The following DHX29 variants were observed in gnomAD, a reference collection of about 807,000 sequenced individuals.
DHX29 encodes ATP-dependent RNA helicase DHX29.
In DHX29, 79 loss-of-function variants were observed where a neutral mutation model predicts 167.9. The observed-to-expected ratio is 0.47, with a 90% CI of 0.39 to 0.57. The LOEUF is 0.57. DHX29 is among the 20% of genes least tolerant of loss of function. DHX29 has a pLI of 0.00. For synonymous variants in DHX29, 530 were observed against 546.0 expected, an observed-to-expected ratio of 0.97 and a Z score of 0.41; for missense variants, 1,347 against 1,593.4, an observed-to-expected ratio of 0.85 and a Z score of 2.63.
At position 55,283,708 on chromosome 5, in the gene DHX29, G is replaced by A. The variant is rs780707435; in HGVS notation, c.1460C>T (p.Pro487Leu). The change falls in exon 11 of 27, where the codon CCA (proline) becomes CTA (leucine). Residue 487 changes from proline to leucine, a missense_variant. Pro to Leu is a moderately conservative substitution (Grantham distance 98, BLOSUM62 -3). Transcript: ENST00000251636. ...EELNKMETNKPRDLFIAKLLN... is the reference protein window; with the variant it reads ...EELNKMETNKLRDLFIAKLLN... ...AAGTTTGGCAATAAAAAGATCACGT[G>A]GTTTATTGGTTTCCATTTTATTTAA... The A allele has an allele frequency of 6.2e-7, 1 of 1,613,688 alleles. No homozygotes were observed. The highest frequency in any genetic ancestry group is 2.2e-5 in the East Asian group (1 of 44,856).
chr5:55,301,501 G>A (rs1203872487), intron 1 of DHX29, among the ~76,000 whole-genome samples: 1 of 151,852 alleles, frequency 6.6e-6, no homozygotes, highest in African/African-American at 2.4e-5. Context: ...ATCACCTGAG[G>A]TCAGGAGTTC....
Position 55,289,436 on chromosome 5 carries a change from GA to G in DHX29, c.908-9del, listed in dbSNP as rs762565327. The stretch of plus-strand genomic sequence containing the variant: ...CTTCTAAAGTTTCCATTTCTACCAA[GA>G]AAAAAATATAATGTTTAGTTTCATG... On this transcript the variant is annotated splice_polypyrimidine_tract_variant and intron_variant, in intron 7 of 26. Coordinates refer to ENST00000251636, the MANE Select transcript of DHX29 (RefSeq NM_019030.4). 2 of 1,515,026 alleles carry G rather than the reference GA, an allele frequency of 1.3e-6. No individual in the cohort carries two copies. The highest frequency in any genetic ancestry group is 1.5e-5 in the African/African-American group (1 of 68,784). The allele number at this position is 1,515,026 out of a possible 1,614,324, so 93.8% of individuals were successfully genotyped here. A position where few individuals can be genotyped will look rare whatever the true frequency, so the allele number is the denominator to read the frequency against.
chr5:55,285,900 C>G (rs751354846), intron 8 of DHX29, 39 bp from the exon 9 acceptor site: 5 of 1,461,032 alleles, frequency 3.4e-6, no homozygotes, highest in Non-Finnish European at 4.6e-6. Context: ...TAAAAATGGT[C>G]AAGCATTCTC....
At chr5:55,273,170 G>A (rs1045036896) in intron 17 of DHX29, 123 bp downstream of exon 17, 19 of 964,798 alleles carry the variant, frequency 2.0e-5, no homozygotes, top group Middle Eastern at 3.0e-4. Flanking sequence ...CAGAACACTT[G>A]GAGTTGGCAA....
chr5:55,285,643 A>C (rs1747681029), intron 9 of DHX29, 53 bp downstream of exon 9: 1 of 1,500,480 alleles, frequency 6.7e-7, no homozygotes, highest in African/African-American at 1.4e-5. Flanking sequence ...TCCACCTTAA[A>C]TTTTTCTAAA....
At chr5:55,262,434 C>G (rs1293629970) in intron 24 of DHX29, among the ~76,000 whole-genome samples, 196 bp downstream of exon 24, 1 of 152,122 alleles carries the variant, frequency 6.6e-6, no homozygotes, top group Non-Finnish European at 1.5e-5. Context: ...GAGTAGAAAC[C>G]TTACTATTTG....
intron 4 of DHX29, 67 bp from the exon 5 acceptor site, chr5:55,295,591 T>A (rs1748277734): frequency 4.6e-6 from 7 of 1,524,042 alleles, no homozygotes; most frequent in Non-Finnish European, 5.4e-6. Flanking sequence ...CAAATATTTG[T>A]TAAGCATTTG....
intron 25 of DHX29, among the ~76,000 whole-genome samples, chr5:55,260,472 C>A (rs975062084): frequency 6.6e-6 from 1 of 150,770 alleles, no homozygotes; most frequent in African/African-American, 2.4e-5. Context: ...ACCTCATGAT[C>A]CACCTGCCTC....
intron 18 of DHX29, among the ~76,000 whole-genome samples, chr5:55,270,912 A>T (rs1325057522): frequency 6.6e-6 from 1 of 152,258 alleles, no homozygotes; most frequent in Non-Finnish European, 1.5e-5. Context: ...GTCTGGCAAA[A>T]GAAAAAAATT....
intron 11 of DHX29, 66 bp downstream of exon 11, chr5:55,283,137 G>C (rs1414813560): frequency 3.3e-6 from 5 of 1,506,082 alleles, no homozygotes; most frequent in South Asian, 1.3e-5. Flanking sequence ...ATTCCATTTG[G>C]ATCACAAAAG....
chr5:55,298,431 T>C (rs573890268), intron 2 of DHX29, among the ~76,000 whole-genome samples, 160 bp downstream of exon 2: 1 of 152,318 alleles, frequency 6.6e-6, no homozygotes, highest in South Asian at 2.1e-4. Flanking sequence ...TCTCAACATA[T>C]GTGTATGATT....
intron 21 of DHX29, among the ~76,000 whole-genome samples, chr5:55,268,471 C>G (rs1170286968): frequency 6.6e-6 from 1 of 152,140 alleles, no homozygotes; most frequent in Non-Finnish European, 1.5e-5. Flanking sequence ...GTTGCCCAGG[C>G]TGGGGTGCAG....
intron 12 of DHX29, 139 bp downstream of exon 12, chr5:55,281,233 T>C: frequency 1.6e-6 from 1 of 635,944 alleles, no homozygotes. Flanking sequence ...AGGAGATACA[T>C]TTGTTACAAG....
rs754176557 is a variant in DHX29 at position 55,290,235 on chromosome 5, A to AT, written c.889dup (p.Ile297AsnfsTer18). On this transcript the variant is annotated frameshift_variant, in exon 7 of 27. Coordinates refer to ENST00000251636, the MANE Select transcript of DHX29 (RefSeq NM_019030.4). LOFTEE classifies it high-confidence loss of function. The stretch of plus-strand genomic sequence containing the variant: ...GTGTTTACCTCTTTGAAATTTCCTT[A>AT]TTTTTTCCTGAGCCTCTTTTTGGCC... 5.0e-6 allele frequency: 8 copies of AT among 1,608,632 alleles called. No homozygotes were observed. Among genetic ancestry groups the AT allele is most frequent in the African/African-American group, 1.3e-5 (1 of 74,352 alleles).
At chr5:55,287,488 A>T (rs1291194572) in intron 8 of DHX29, among the ~76,000 whole-genome samples, 2 of 152,168 alleles carry the variant, frequency 1.3e-5, no homozygotes, top group Non-Finnish European at 2.9e-5. Flanking sequence ...AAGAATGAAT[A>T]ATTTAAAAAA....
intron 12 of DHX29, among the ~76,000 whole-genome samples, chr5:55,279,874 AT>A (rs70992776): frequency 0.058 from 8,642 of 148,696 alleles, 443 homozygotes; most frequent in Admixed American, 0.12. Flanking sequence ...TCCTGGCCAG[AT>A]TTTTTTTTTA....
Position 55,263,767 on chromosome 5 carries a change from A to G in DHX29, c.3526-835T>C, listed in dbSNP as rs1453724659. Among the ~76,000 whole-genome samples, 3 of 44,110 alleles carry G rather than the reference A, an allele frequency of 6.8e-5. No homozygotes were observed. In the East Asian group the frequency reaches 2.3e-3, roughly 34 times the overall value. The allele number at this position is 44,110 out of a possible 152,430, so 28.9% of individuals were successfully genotyped here. ...TCTGGGCCAGCTGACTGGGATTTCT[A>G]CATGTTCCCAGTCAGTTGGCCAGAG... On this transcript the variant is annotated intron_variant, in intron 23 of 26. Transcript: ENST00000251636.
intron 1 of DHX29, among the ~76,000 whole-genome samples, chr5:55,306,325 A>G (rs1395377899): frequency 6.6e-6 from 1 of 152,146 alleles, no homozygotes; most frequent in African/African-American, 2.4e-5. Context: ...CATGATGTTC[A>G]TTACGCCCGC....
At chr5:55,303,856 C>T (rs1330135980) in intron 1 of DHX29, among the ~76,000 whole-genome samples, 3 of 152,122 alleles carry the variant, frequency 2.0e-5, no homozygotes, top group Non-Finnish European at 2.9e-5. Context: ...TTTTCTGTTC[C>T]TCATAGCACT....
Sources: allele counts gnomAD v4.1 joint callset (sites outside exome capture counted in the v4.1 genomes callset), GRCh38; gene constraint gnomAD v4.1.1; transcripts MANE v1.5; gene names NCBI Gene and HGNC (gene_info 2026-07-23, HGNC 2026-07-21).